PRKCE: variants seen among roughly 807,000 people sequenced by gnomAD.
PRKCE encodes protein kinase C epsilon.
Under a neutral mutation model 85.4 loss-of-function variants are expected in PRKCE, and 16 were observed. That is an observed-to-expected ratio of 0.19 (90% CI 0.13 to 0.28). PRKCE has a LOEUF of 0.28. Ranked by LOEUF, PRKCE falls within the 10% of genes least tolerant of loss-of-function variation. The pLI is 1.00. For synonymous variants in PRKCE, 388 were observed against 371.5 expected (o/e 1.04, Z -0.51); for missense variants, 573 against 975.2 (o/e 0.59, Z 5.49).
At chr2:45,893,491 C>T (rs1349186796) in intron 2 of PRKCE, among the ~76,000 whole-genome samples, 1 of 152,132 alleles carries the variant, frequency 6.6e-6, no homozygotes, top group Non-Finnish European at 1.5e-5. Context: ...CCTCAGCCTC[C>T]TGAGTAGCTG....
At chr2:45,969,847 CT>C (rs1489705257) in intron 2 of PRKCE, among the ~76,000 whole-genome samples, 1 of 152,144 alleles carries the variant, frequency 6.6e-6, no homozygotes, top group Non-Finnish European at 1.5e-5. Flanking sequence ...ATTGTTCATT[CT>C]TTTTTCACAA....
At chr2:45,803,969 C>T (rs981282617) in intron 1 of PRKCE, among the ~76,000 whole-genome samples, 1 of 152,162 alleles carries the variant, frequency 6.6e-6, no homozygotes, top group Non-Finnish European at 1.5e-5. Flanking sequence ...CTGCCCCATC[C>T]AGGAGAGGGA....
intron 1 of PRKCE, among the ~76,000 whole-genome samples, chr2:45,661,431 C>T (rs1675636508): frequency 6.6e-6 from 1 of 151,990 alleles, no homozygotes; most frequent in Admixed American, 6.6e-5. Flanking sequence ...GATCCACCCG[C>T]CTCAGCCTCC....
chr2:45,786,755 G>T lies in PRKCE; in HGVS notation c.349-56245G>T, dbSNP rs1686628887. On this transcript the variant is annotated intron_variant, in intron 1 of 14. Transcript: ENST00000306156. The surrounding 1 kb of genome is among the most constrained non-coding windows in gnomAD (Gnocchi z 5.3). ...CTCTGAGTGCTGTGTACAGCCTCTT[G>T]GCCACCTAATCCTCCAACAGTTCAG... Among the ~76,000 whole-genome samples the T allele has an allele frequency of 6.6e-6, 1 of 152,152 alleles. No individual in the cohort carries two copies. Among genetic ancestry groups the T allele is most frequent in the Admixed American group, 6.5e-5 (1 of 15,288 alleles).
At chr2:45,952,638 A>C (rs940859436) in intron 2 of PRKCE, among the ~76,000 whole-genome samples, 1 of 152,228 alleles carries the variant, frequency 6.6e-6, no homozygotes, top group African/African-American at 2.4e-5. Flanking sequence ...TTTCCAAAAA[A>C]TGTAGTCGCT....
Position 46,004,557 on chromosome 2 carries a change from G to A in PRKCE, c.982G>A (p.Glu328Lys), listed in dbSNP as rs752947620. Residue 328 changes from glutamate to lysine, a missense_variant, in exon 8 of 15, where the codon GAG becomes AAG. Around this residue, in one of 11 missense-constraint regions of PRKCE, gnomAD observed 55 missense variants for 128.1 expected, o/e 0.43. Transcript: ENST00000306156. The surrounding 1 kb of genome is among the most constrained non-coding windows in gnomAD (Gnocchi z 4.1). ...TCCTCTCTAGCTCATTGCTGGTGCC[G>A]AGTCCCCGCAGCCTGCTTCTGGAAG... ...QRRKKLIAGA[E>K]SPQPASGSSP... 6.3e-6 allele frequency: 10 copies of A among 1,585,970 alleles called. No individual in the cohort carries two copies. Among genetic ancestry groups the A allele is most frequent in the South Asian group, 2.3e-5 (2 of 88,124 alleles).
chr2:45,810,070 C>T (rs771059787), intron 1 of PRKCE, among the ~76,000 whole-genome samples: 2 of 151,756 alleles, frequency 1.3e-5, no homozygotes, highest in Non-Finnish European at 2.9e-5. Context: ...GATGAAGTCT[C>T]GCTCTTGTCC....
At chr2:45,920,312 A>G (rs1049879900) in intron 2 of PRKCE, among the ~76,000 whole-genome samples, 1 of 152,206 alleles carries the variant, frequency 6.6e-6, no homozygotes, top group African/African-American at 2.4e-5. Context: ...CAGTAACCCA[A>G]TACAGGACTA....
intron 1 of PRKCE, among the ~76,000 whole-genome samples, chr2:45,679,290 G>A (rs964546301): frequency 1.8e-4 from 28 of 152,264 alleles, no homozygotes; most frequent in Non-Finnish European, 3.2e-4. Flanking sequence ...AGTATTGGAA[G>A]CCTAATTATT....
intron 2 of PRKCE, among the ~76,000 whole-genome samples, chr2:45,855,710 T>G (rs1169244544): frequency 6.6e-6 from 1 of 152,216 alleles, no homozygotes; most frequent in Non-Finnish European, 1.5e-5. Context: ...GAGTTTTGTC[T>G]GGAAGCCACA....
intron 11 of PRKCE, among the ~76,000 whole-genome samples, chr2:46,122,822 A>G (rs1196631500): frequency 2.0e-5 from 3 of 151,066 alleles, no homozygotes; most frequent in Non-Finnish European, 4.4e-5. Flanking sequence ...AAAAGGTCCA[A>G]TGGTCAGGAA....
rs954877246 is a variant in PRKCE at position 46,091,048 on chromosome 2, C to G, written c.1592+4686C>G. On this transcript the variant is annotated intron_variant, in intron 11 of 14. Transcript: ENST00000306156. Reference sequence around the variant, plus strand: ...GCTCACACTTGAAAGAGAGCCCAAACAGATAGACACAATCTCCTTTTCCTC... The same window carrying G: ...GCTCACACTTGAAAGAGAGCCCAAAGAGATAGACACAATCTCCTTTTCCTC... Among the ~76,000 whole-genome samples the G allele has an allele frequency of 3.3e-5, 5 of 152,196 alleles. 1 individual carries two copies. The Middle Eastern group carries it at 0.014, about 414-fold the overall frequency.
intron 2 of PRKCE, among the ~76,000 whole-genome samples, chr2:45,964,451 C>T (rs1280125850): frequency 2.0e-5 from 3 of 152,214 alleles, no homozygotes; most frequent in African/African-American, 7.2e-5. Context: ...CCCCACTTGG[C>T]AGATTTCCCA....
chr2:45,887,251 G>C (rs559596838), intron 2 of PRKCE, among the ~76,000 whole-genome samples: 1 of 152,128 alleles, frequency 6.6e-6, no homozygotes, highest in South Asian at 2.1e-4. Context: ...ACAGTCAACC[G>C]TGCAGAAGGC....
At chr2:45,766,096 C>G (rs1401790006) in intron 1 of PRKCE, among the ~76,000 whole-genome samples, 2 of 152,156 alleles carry the variant, frequency 1.3e-5, no homozygotes, top group Non-Finnish European at 2.9e-5. Context: ...CAGCAGTTCC[C>G]TTGCATTGCT....
intron 1 of PRKCE, among the ~76,000 whole-genome samples, chr2:45,740,608 C>A (rs1682477723): frequency 6.6e-6 from 1 of 152,224 alleles, no homozygotes; most frequent in Non-Finnish European, 1.5e-5. Flanking sequence ...TCCCCAGGGG[C>A]CTGACTTTTC....
In PRKCE at chr2:45,747,222, G is replaced by A. The variant is rs553695776; in HGVS notation, c.348+94774G>A. Among the ~76,000 whole-genome samples the A allele has an allele frequency of 3.9e-5, 6 of 152,212 alleles. No homozygotes were observed. The East Asian group carries it at 9.6e-4, about 24-fold the overall frequency. The stretch of plus-strand genomic sequence containing the variant: ...TGTGGTAAAATACACATGACACATG[G>A]CATAAAATTTATCATTGTAACCATT... On this transcript the variant is annotated intron_variant, in intron 1 of 14. Transcript: ENST00000306156.
intron 14 of PRKCE, among the ~76,000 whole-genome samples, chr2:46,162,229 G>A (rs1291868741): frequency 6.6e-6 from 1 of 152,132 alleles, no homozygotes; most frequent in Non-Finnish European, 1.5e-5. Context: ...GATGTCTAGA[G>A]CAAAAGGGAC....
intron 2 of PRKCE, among the ~76,000 whole-genome samples, chr2:45,958,812 ATATATTTTTTTTTTTTTT>A (rs1245876784): frequency 1.1e-4 from 3 of 26,792 alleles, no homozygotes; most frequent in Non-Finnish European, 1.9e-4. Context: ...ATATATATAT[ATATATTTTTTTTTTTTTT>A]TTTTTTTTTT....
Sources: gnomAD v4.1 joint callset for allele counts (sites outside exome capture counted in the v4.1 genomes callset) on GRCh38, gnomAD v4.1.1 for gene constraint, gnomAD v4.1.1 regional missense constraint, Gnocchi (gnomAD v3.1) non-coding constraint, MANE v1.5 for transcripts, NCBI Gene and HGNC (gene_info 2026-07-23, HGNC 2026-07-21) for gene names.